HRH1: variants seen among roughly 807,000 people sequenced by gnomAD.
HRH1 encodes histamine receptor H1.
A neutral mutation model predicts 10.3 loss-of-function variants in HRH1; 6 were observed. The observed-to-expected ratio is 0.58, with a 90% CI of 0.32 to 1.15. The LOEUF is 1.15. Ranked by LOEUF, HRH1 falls within the 50% of genes most tolerant of loss-of-function variation. The pLI is 0.05. For synonymous variants in HRH1, 242 were observed against 236.7 expected, an observed-to-expected ratio of 1.02 and a Z score of -0.21; for missense variants, 514 against 615.3, an observed-to-expected ratio of 0.84 and a Z score of 1.74.
intron 1 of HRH1, among the ~76,000 whole-genome samples, chr3:11,213,090 C>G (rs936677169): frequency 1.3e-5 from 2 of 152,202 alleles, no homozygotes; most frequent in Non-Finnish European, 2.9e-5. Context: ...CACTAACCCT[C>G]TTTCTTCCCC....
chr3:11,211,692 C>T (rs902020612), intron 1 of HRH1, among the ~76,000 whole-genome samples: 1 of 152,166 alleles, frequency 6.6e-6, no homozygotes, highest in Non-Finnish European at 1.5e-5. Flanking sequence ...TGGACAGGGG[C>T]AAGGACTGGG....
chr3:11,209,976 C>A (rs1251555815), intron 1 of HRH1, among the ~76,000 whole-genome samples: 1 of 152,188 alleles, frequency 6.6e-6, no homozygotes, highest in African/African-American at 2.4e-5. Context: ...CAAGTTAGAT[C>A]GCATCAAATG....
At chr3:11,149,180 C>A (rs1936540431) in intron 1 of HRH1, among the ~76,000 whole-genome samples, 1 of 152,124 alleles carries the variant, frequency 6.6e-6, no homozygotes, top group African/African-American at 2.4e-5. Context: ...AAAGGTCAAC[C>A]CCGTTTGGGT....
intron 1 of HRH1, among the ~76,000 whole-genome samples, chr3:11,162,080 C>G (rs1936937693): frequency 1.3e-5 from 2 of 152,202 alleles, no homozygotes; most frequent in Admixed American, 6.5e-5. Context: ...CAGTGCTGGG[C>G]TCTGCAGGAG....
intron 1 of HRH1, among the ~76,000 whole-genome samples, chr3:11,172,360 C>T (rs144091884): frequency 6.6e-6 from 1 of 152,332 alleles, no homozygotes; most frequent in East Asian, 1.9e-4. Flanking sequence ...CTCAGAGGGC[C>T]CCTGCTTTCT....
At chr3:11,232,221 C>G (rs1939062275) in intron 1 of HRH1, among the ~76,000 whole-genome samples, 1 of 152,132 alleles carries the variant, frequency 6.6e-6, no homozygotes, top group Admixed American at 6.5e-5. Flanking sequence ...CTCTTGACCT[C>G]ATGATCCACT....
upstream of HRH1, among the ~76,000 whole-genome samples, chr3:11,150,342 G>A (rs1412397205): frequency 6.6e-6 from 1 of 152,256 alleles, no homozygotes; most frequent in Non-Finnish European, 1.5e-5. Context: ...AAGTAAGCAG[G>A]AAACAAATCA....
chr3:11,260,886 A>C lies in HRH1; in HGVS notation c.*385A>C, dbSNP rs1234350409. 1.0e-5 allele frequency: 2 copies of C among 197,512 alleles called. No individual in the cohort carries two copies. The highest frequency in any genetic ancestry group is 4.7e-5 in the African/African-American group (2 of 42,310). 12.2% of individuals were successfully genotyped at this position (197,512 alleles called of 1,614,324 possible). A position where few individuals can be genotyped will look rare whatever the true frequency, so the allele number is the denominator to read the frequency against. On this transcript the variant is annotated 3_prime_UTR_variant, in exon 2 of 2. Coordinates refer to ENST00000431010, the MANE Select transcript of HRH1 (RefSeq NM_001098212.2). ...AAGCTTTCCGAGTCAAGTGATTGAC[A>C]ACTGAAGAGACACGTGGCTAGGGTT...
intron 1 of HRH1, among the ~76,000 whole-genome samples, chr3:11,165,161 A>G (rs558759073): frequency 6.6e-6 from 1 of 152,360 alleles, no homozygotes; most frequent in South Asian, 2.1e-4. Context: ...CATAAGTAAC[A>G]AGGTTGAAAT....
intron 1 of HRH1, among the ~76,000 whole-genome samples, chr3:11,172,201 C>T (rs1937163910): frequency 6.6e-6 from 1 of 152,132 alleles, no homozygotes; most frequent in African/African-American, 2.4e-5. Context: ...GTGTCAGGTT[C>T]AATGTTGTTT....
chr3:11,201,388 C>T (rs909537874), intron 1 of HRH1, among the ~76,000 whole-genome samples: 6 of 152,004 alleles, frequency 3.9e-5, no homozygotes, highest in African/African-American at 1.2e-4. Flanking sequence ...TGAAAGGGCA[C>T]GGGGTATTAT....
At chr3:11,156,683 C>T (rs1421295875) in intron 1 of HRH1, among the ~76,000 whole-genome samples, 2 of 152,194 alleles carry the variant, frequency 1.3e-5, no homozygotes, top group African/African-American at 4.8e-5. Context: ...ACACCTTCTT[C>T]ACTGCGTTGG....
intron 1 of HRH1, among the ~76,000 whole-genome samples, chr3:11,202,438 T>TAAATAAATAAATAAATAAATAAA (rs58125465): frequency 1.3e-4 from 18 of 133,600 alleles, no homozygotes; most frequent in African/African-American, 3.4e-4. Context: ...AAATAAATAA[T>TAAATAAATAAATAAATAAATAAA]TAATTAAAAA....
chr3:11,183,886 C>T (rs1267177160), intron 1 of HRH1, among the ~76,000 whole-genome samples: 1 of 124,652 alleles, frequency 8.0e-6, no homozygotes, highest in African/African-American at 3.0e-5. Flanking sequence ...TTTTAAAGCA[C>T]TGGCCATCTT....
chr3:11,235,523 CT>C (rs1261045955), intron 1 of HRH1, among the ~76,000 whole-genome samples: 1 of 152,172 alleles, frequency 6.6e-6, no homozygotes, highest in Non-Finnish European at 1.5e-5. Flanking sequence ...CCCACTAGGC[CT>C]CTGCAGATAA....
At chr3:11,180,241 C>G (rs755385537) in intron 1 of HRH1, among the ~76,000 whole-genome samples, 1 of 152,182 alleles carries the variant, frequency 6.6e-6, no homozygotes, top group Non-Finnish European at 1.5e-5. Context: ...TACACTCACT[C>G]TCCACTTCCT....
At chr3:11,182,278 G>T (rs991261281) in intron 1 of HRH1, among the ~76,000 whole-genome samples, 2 of 152,116 alleles carry the variant, frequency 1.3e-5, no homozygotes, top group Non-Finnish European at 2.9e-5. Context: ...CACCGCGCCC[G>T]GCCCGTAAAA....
chr3:11,143,727 C>A (rs1208373107), intron 1 of HRH1, among the ~76,000 whole-genome samples: 2 of 152,114 alleles, frequency 1.3e-5, no homozygotes, highest in Non-Finnish European at 2.9e-5. Context: ...CCCACATTCT[C>A]CAGTGTGGTC....
At chr3:11,218,779 T>G (rs1190839515) in intron 1 of HRH1, among the ~76,000 whole-genome samples, 1 of 152,220 alleles carries the variant, frequency 6.6e-6, no homozygotes, top group East Asian at 1.9e-4. Context: ...TTTCACCATG[T>G]TGCCCAGGCT....
Sources: gnomAD v4.1 joint callset for allele counts (sites outside exome capture counted in the v4.1 genomes callset) on GRCh38, gnomAD v4.1.1 for gene constraint, MANE v1.5 for transcripts, NCBI Gene and HGNC (gene_info 2026-07-23, HGNC 2026-07-21) for gene names.